Variants in DNAH6 observed in about 807,000 individuals in gnomAD.
DNAH6 encodes dynein axonemal heavy chain 6.
DNAH6 carries 340 observed loss-of-function variants against 491.4 expected under a neutral mutation model. The observed-to-expected ratio is 0.69, with a 90% CI of 0.63 to 0.76. DNAH6 has a LOEUF of 0.76. Ranked by LOEUF, DNAH6 falls within the 30% of genes least tolerant of loss-of-function variation. DNAH6 has a pLI of 0.00. For synonymous variants in DNAH6, 1,603 were observed against 1,686.1 expected (o/e 0.95, Z 1.21); for missense variants, 4,443 against 4,972.2 (o/e 0.89, Z 3.20).
At chr2:84,523,906 G>A (rs1019262793) in intron 2 of DNAH6, among the ~76,000 whole-genome samples, 2 of 151,874 alleles carry the variant, frequency 1.3e-5, no homozygotes, top group South Asian at 2.1e-4. Context: ...GTGGCAATGA[G>A]AAGAATGTAT....
chr2:84,507,735 C>T, the DNAH6 span, among the ~76,000 whole-genome samples: 3 of 151,906 alleles, frequency 2.0e-5, no homozygotes, highest in Admixed American at 1.3e-4. Context: ...TTTTGAGATA[C>T]GTCCCATCAA....
chr2:84,508,695 T>C, the DNAH6 span, among the ~76,000 whole-genome samples: 4 of 152,216 alleles, frequency 2.6e-5, no homozygotes, highest in Non-Finnish European at 5.9e-5. Flanking sequence ...CTTTCTCTTA[T>C]GGGCATTTAG....
At chr2:84,575,574 A>T (rs1338027677) in intron 12 of DNAH6, among the ~76,000 whole-genome samples, 1 of 152,212 alleles carries the variant, frequency 6.6e-6, no homozygotes, top group African/African-American at 2.4e-5. Context: ...CTGACTTGAA[A>T]GCTTGTCTGC....
chr2:84,472,876 A>T, the DNAH6 span, among the ~76,000 whole-genome samples: 1 of 152,238 alleles, frequency 6.6e-6, no homozygotes, highest in Non-Finnish European at 1.5e-5. Flanking sequence ...GTTGTTCATC[A>T]GTCACATTTC....
Position 84,727,846 on chromosome 2 carries a change from A to G in DNAH6, c.10150A>G (p.Thr3384Ala), listed in dbSNP as rs1280211915. ...TGTTGAGATGATGCGTCAGCAAGGA[A>G]CCCTATCTGATGCTGAATGGAATTT... ...LCVEMMRQQG[T>A]LSDAEWNFFL... Residue 3384 changes from threonine (T) to alanine (A), a missense_variant, in exon 61 of 77, where the codon ACC becomes GCC. Around this residue, in one of 3 missense-constraint regions of DNAH6, gnomAD observed 1,463 missense variants for 1,656.6 expected, o/e 0.88. Coordinates refer to ENST00000389394, the MANE Select transcript of DNAH6 (RefSeq NM_001370.2). 6.4e-7 allele frequency: 1 copy of G among 1,552,184 alleles called. No homozygotes were observed. The highest frequency in any genetic ancestry group is 1.4e-5 in the African/African-American group (1 of 73,180).
intron 56 of DNAH6, among the ~76,000 whole-genome samples, chr2:84,710,665 A>T (rs1005914423): frequency 2.6e-5 from 4 of 152,218 alleles, no homozygotes; most frequent in African/African-American, 9.6e-5. Flanking sequence ...CTGCTGTTTC[A>T]CAGGCCTCAT....
intron 33 of DNAH6, among the ~76,000 whole-genome samples, chr2:84,644,670 T>C (rs1445684177): frequency 6.6e-6 from 1 of 152,146 alleles, no homozygotes; most frequent in African/African-American, 2.4e-5. Flanking sequence ...TAGCTCCTAC[T>C]TATAAGTAAG....
Position 84,637,298 on chromosome 2 carries a change from G to A in DNAH6, c.4742G>A (p.Arg1581Lys). The A allele has an allele frequency of 6.4e-7, 1 of 1,551,306 alleles. No homozygotes were observed. The highest frequency in any genetic ancestry group is 8.7e-7 in the Non-Finnish European group (1 of 1,146,732). Residue 1581 changes from arginine (R) to lysine (K), a missense_variant, in exon 31 of 77, where the codon AGA becomes AAA. Transcript: ENST00000389394. ...FITMNPGYAG[R>K]TELPDNLKAL... Reference sequence around the variant, plus strand: ...ACAATGAATCCTGGCTATGCAGGGAGAACTGAATTGCCAGATAATTTGAAA... The same window carrying A: ...ACAATGAATCCTGGCTATGCAGGGAAAACTGAATTGCCAGATAATTTGAAA...
intron 43 of DNAH6, among the ~76,000 whole-genome samples, chr2:84,686,148 A>T (rs926773282): frequency 7.3e-5 from 11 of 151,496 alleles, no homozygotes; most frequent in African/African-American, 2.7e-4. Context: ...AGATCGCATC[A>T]TTGCACTCCA....
At chr2:84,586,762 G>A (rs754257977) in intron 15 of DNAH6, among the ~76,000 whole-genome samples, 11 of 152,268 alleles carry the variant, frequency 7.2e-5, no homozygotes, top group South Asian at 2.1e-4. Context: ...TTACTAAATG[G>A]AGGAATCTGG....
chr2:84,619,742 A>G lies in DNAH6; in HGVS notation c.3630A>G (p.Pro1210=). The G allele has an allele frequency of 6.4e-7, 1 of 1,551,738 alleles. No individual in the cohort carries two copies. Among genetic ancestry groups the G allele is most frequent in the South Asian group, 1.2e-5 (1 of 84,058 alleles). ...LLEILAQTRN[P]QAVQPHLRKC... ...AGATTTTGGCCCAGACACGAAATCC[A>G]CAGGCCGTGCAGCCACACTTAAGGA... is the stretch of plus-strand genomic sequence containing the variant. Residue 1210 remains proline (P), a synonymous_variant, in exon 24 of 77, where the codon CCA becomes CCG. Coordinates refer to ENST00000389394, the MANE Select transcript of DNAH6 (RefSeq NM_001370.2).
chr2:84,525,869 A>G (rs1361756905), intron 3 of DNAH6, 131 bp downstream of exon 3: 1 of 695,924 alleles, frequency 1.4e-6, no homozygotes, highest in East Asian at 2.8e-5. Context: ...AGTTTGGGAA[A>G]TATAACATTT....
intron 15 of DNAH6, among the ~76,000 whole-genome samples, chr2:84,588,482 G>T (rs1460704): frequency 0.041 from 6,185 of 152,112 alleles, 410 homozygotes; most frequent in African/African-American, 0.14. Context: ...GAAATTTACC[G>T]TATATCATAT....
chr2:84,729,409 A>G (rs1698940269), intron 61 of DNAH6, among the ~76,000 whole-genome samples: 1 of 152,146 alleles, frequency 6.6e-6, no homozygotes, highest in Non-Finnish European at 1.5e-5. Flanking sequence ...CTGTTAGCCA[A>G]TCACTTAGCC....
At chr2:84,617,591 A>G (rs750923761) in intron 23 of DNAH6, among the ~76,000 whole-genome samples, 2 of 151,592 alleles carry the variant, frequency 1.3e-5, no homozygotes, top group East Asian at 1.9e-4. Flanking sequence ...TCTCCTCTCT[A>G]TCTCCATGAG....
At chr2:84,786,597 A>G (rs1484695193) in intron 67 of DNAH6, among the ~76,000 whole-genome samples, 1 of 152,292 alleles carries the variant, frequency 6.6e-6, no homozygotes, top group East Asian at 1.9e-4. Flanking sequence ...TTTTGAGATC[A>G]AGAGCTAGGA....
rs151012686 is a variant in DNAH6 at position 84,735,594 on chromosome 2, G to A, written c.10342+2015G>A. On this transcript the variant is annotated intron_variant, in intron 62 of 76. Transcript: ENST00000389394. ...TTTAATAATAGCCTTTCTGATTGGT[G>A]TAAGATGGTATCTCATTGTGGTTTT... Among the ~76,000 whole-genome samples the A allele has an allele frequency of 3.5e-4, 54 of 152,242 alleles. 1 individual carries two copies. The East Asian group carries it at 8.7e-3, about 24-fold the overall frequency.
intron 63 of DNAH6, among the ~76,000 whole-genome samples, chr2:84,748,144 C>G (rs1266181181): frequency 5.3e-5 from 8 of 152,182 alleles, no homozygotes; most frequent in Admixed American, 5.2e-4. Context: ...GCACCTGGCT[C>G]CCATTTAGTC....
At chr2:84,664,166 G>A (rs777628952) in intron 37 of DNAH6, among the ~76,000 whole-genome samples, 6 of 152,070 alleles carry the variant, frequency 3.9e-5, no homozygotes, top group African/African-American at 7.2e-5. Context: ...AAACATCATC[G>A]AGGCTAGGAA....
Sources: gnomAD v4.1 joint callset for allele counts (sites outside exome capture counted in the v4.1 genomes callset) on GRCh38, gnomAD v4.1.1 for gene constraint, gnomAD v4.1.1 regional missense constraint, MANE v1.5 for transcripts, NCBI Gene and HGNC (gene_info 2026-07-23, HGNC 2026-07-21) for gene names.